TNFSF4: variants seen among roughly 807,000 people sequenced by gnomAD.
TNFSF4 encodes tumor necrosis factor ligand superfamily member 4.
A neutral mutation model predicts 7.3 loss-of-function variants in TNFSF4; 4 were observed. That is an observed-to-expected ratio of 0.55 (90% CI 0.27 to 1.25). The LOEUF (loss-of-function observed/expected upper bound fraction) is 1.25. Among genes scored for constraint, TNFSF4 ranks in the 50% most tolerant of loss-of-function variants. TNFSF4 has a pLI of 0.12. For missense variants in TNFSF4, 181 were observed against 208.8 expected (o/e 0.87, Z 0.82); for synonymous variants, 76 against 83.7 (o/e 0.91, Z 0.50).
At chr1:173,329,665 T>TGA in the TNFSF4 span, among the ~76,000 whole-genome samples, 1 of 152,208 alleles carries the variant, frequency 6.6e-6, no homozygotes, top group South Asian at 2.1e-4. Flanking sequence ...TCATGTAATA[T>TGA]GAGCACCTTC....
At chr1:173,319,926 CA>C in the TNFSF4 span, among the ~76,000 whole-genome samples, 2 of 152,104 alleles carry the variant, frequency 1.3e-5, no homozygotes, top group South Asian at 4.1e-4. Flanking sequence ...CTAAAAATTC[CA>C]AAAACCAGAA....
chr1:173,340,365 CACAT>C, the TNFSF4 span, among the ~76,000 whole-genome samples: 19 of 137,804 alleles, frequency 1.4e-4, 1 homozygote, highest in East Asian at 4.3e-4. Flanking sequence ...CACACACACA[CACAT>C]ACCCTATTAG....
At chr1:173,228,002 C>A in the TNFSF4 span, among the ~76,000 whole-genome samples, 1 of 152,208 alleles carries the variant, frequency 6.6e-6, no homozygotes, top group Non-Finnish European at 1.5e-5. Context: ...TAGACTCCAC[C>A]TCTGGGGGCG....
chr1:173,233,622 T>TGTA, the TNFSF4 span, among the ~76,000 whole-genome samples: 1 of 152,240 alleles, frequency 6.6e-6, no homozygotes, highest in Non-Finnish European at 1.5e-5. Flanking sequence ...TGCATTCAAT[T>TGTA]GTAAGTTTTA....
the TNFSF4 span, among the ~76,000 whole-genome samples, chr1:173,357,383 G>C: frequency 2.6e-5 from 4 of 152,326 alleles, no homozygotes; most frequent in Non-Finnish European, 4.4e-5. Context: ...AAGGTTGACA[G>C]TATGCCCAGC....
chr1:173,262,046 A>T, the TNFSF4 span, among the ~76,000 whole-genome samples: 1 of 152,232 alleles, frequency 6.6e-6, no homozygotes. Context: ...AACTTCAGCC[A>T]ATATCCCTGA....
chr1:173,235,632 C>T, the TNFSF4 span, among the ~76,000 whole-genome samples: 1 of 152,202 alleles, frequency 6.6e-6, no homozygotes, highest in Non-Finnish European at 1.5e-5. Context: ...TCACTGTGGG[C>T]ATGTTTAGAT....
chr1:173,363,230 C>T, the TNFSF4 span: 72 of 290,284 alleles, frequency 2.5e-4, no homozygotes, highest in Non-Finnish European at 2.3e-4. Flanking sequence ...TATCGCCATT[C>T]TCTTTCTAGG....
At chr1:173,260,824 C>T in the TNFSF4 span, among the ~76,000 whole-genome samples, 2 of 152,114 alleles carry the variant, frequency 1.3e-5, no homozygotes, top group Admixed American at 6.5e-5. Context: ...TATAGGAGCA[C>T]CCAGATTCAT....
upstream of TNFSF4, among the ~76,000 whole-genome samples, chr1:173,208,903 T>C (rs989380078): frequency 1.3e-5 from 2 of 148,438 alleles, no homozygotes; most frequent in African/African-American, 2.5e-5. Flanking sequence ...GCTGAAAAAG[T>C]AGTAAAAACT....
At chr1:173,372,275 C>T in the TNFSF4 span, among the ~76,000 whole-genome samples, 1 of 152,046 alleles carries the variant, frequency 6.6e-6, no homozygotes, top group Non-Finnish European at 1.5e-5. Context: ...TATGGATCCC[C>T]GGATACAGCA....
chr1:173,342,948 G>A, the TNFSF4 span, among the ~76,000 whole-genome samples: 2,816 of 152,296 alleles, frequency 0.018, 96 homozygotes, highest in African/African-American at 0.065. Flanking sequence ...TTTCCCCTTA[G>A]TAGAGTCAGC....
the TNFSF4 span, among the ~76,000 whole-genome samples, chr1:173,411,459 AT>A: frequency 2.6e-4 from 40 of 152,376 alleles, no homozygotes; most frequent in African/African-American, 9.4e-4. Flanking sequence ...TATAAATTCC[AT>A]GAGGATGTCA....
At position 173,201,957 on chromosome 1, in the gene TNFSF4, C is replaced by G. The variant is rs904968158; in HGVS notation, c.153+5067G>C. 5.3e-5 allele frequency among the ~76,000 whole-genome samples: 8 copies of G among 151,954 alleles called. 1 individual carries two copies. The highest frequency in any genetic ancestry group is 2.0e-4 in the Admixed American group (3 of 15,248). On this transcript the variant is annotated intron_variant, in intron 1 of 2. Transcript: ENST00000281834. ...AACACTGTATGTAGCTCCTCTAACC[C>G]AAATGATGCAAAAGGATTAACTTTC...
the TNFSF4 span, among the ~76,000 whole-genome samples, chr1:173,300,084 C>T: frequency 1.3e-5 from 2 of 150,584 alleles, no homozygotes; most frequent in African/African-American, 2.4e-5. Flanking sequence ...TCCCCTACTT[C>T]CCCCAAAATA....
the TNFSF4 span, among the ~76,000 whole-genome samples, chr1:173,426,434 T>C: frequency 5.3e-5 from 8 of 152,286 alleles, no homozygotes; most frequent in Non-Finnish European, 1.2e-4. Flanking sequence ...CTTAGGAGTG[T>C]TGTTTTCTGA....
chr1:173,344,841 A>G, the TNFSF4 span, among the ~76,000 whole-genome samples: 7 of 152,358 alleles, frequency 4.6e-5, no homozygotes, highest in Admixed American at 2.0e-4. Context: ...CCAATGTTCA[A>G]TTAGACAGGA....
chr1:173,422,022 C>CATGTTACA, the TNFSF4 span, among the ~76,000 whole-genome samples: 1 of 151,980 alleles, frequency 6.6e-6, no homozygotes, highest in Non-Finnish European at 1.5e-5. Context: ...AAAATAAAGC[C>CATGTTACA]ATGTTACAGT....
chr1:173,289,690 G>T, the TNFSF4 span, among the ~76,000 whole-genome samples: 1 of 151,976 alleles, frequency 6.6e-6, no homozygotes, highest in Admixed American at 6.6e-5. Context: ...TAAAATAGAC[G>T]ATTAAAAGAA....
Sources: gnomAD v4.1 joint callset for allele counts (sites outside exome capture counted in the v4.1 genomes callset) on GRCh38, gnomAD v4.1.1 for gene constraint, MANE v1.5 for transcripts, NCBI Gene and HGNC (gene_info 2026-07-23, HGNC 2026-07-21) for gene names.